Variants in DVL2 observed in about 807,000 individuals in gnomAD.
The protein encoded by DVL2 is dishevelled segment polarity protein 2, also known as segment polarity protein dishevelled homolog DVL-2.
Under a neutral mutation model 69.8 loss-of-function variants are expected in DVL2, and 38 were observed. The observed-to-expected ratio is 0.54, with a 90% CI of 0.42 to 0.71. The LOEUF (loss-of-function observed/expected upper bound fraction) is 0.71. Among genes scored for constraint, DVL2 ranks in the 30% least tolerant of loss-of-function variants. The probability of loss-of-function intolerance (pLI) is 0.00; values close to 1 mark genes in which losing one functional copy is unlikely to be tolerated. For synonymous variants in DVL2, 428 were observed against 392.4 expected (o/e 1.09, Z -1.07); for missense variants, 931 against 1,008.1 (o/e 0.92, Z 1.04).
Position 7,230,308 on chromosome 17 carries a change from C to T in DVL2, c.387G>A (p.Gly129=). 1 of 1,614,098 alleles carries T rather than the reference C, an allele frequency of 6.2e-7. No homozygotes were observed. Among genetic ancestry groups the T allele is most frequent in the Non-Finnish European group, 8.5e-7 (1 of 1,180,018 alleles). The change falls in exon 3 of 15, where the codon GGG becomes GGA. Residue 129 remains glycine, a synonymous_variant. Transcript: ENST00000005340. ...PLPPERTSGI[G]DSRPPSFHPN... is the part of the protein sequence containing the mutation. ...ACTGGAAGGATGGAGGCCTTGAGTC[C>T]CCAATGCCGCTGGTCCTCTCGGGTG...
At chr17:7,227,298 T>A in intron 12 of DVL2, 29 bp from the exon 13 acceptor site, 1 of 1,600,202 alleles carries the variant, frequency 6.2e-7, no homozygotes, top group Non-Finnish European at 8.5e-7. Context: ...GAAAAAGGCC[T>A]CAGGTTCTTC....
At chr17:7,233,813 G>C in intron 1 of DVL2, 2 of 568,926 alleles carry the variant, frequency 3.5e-6, no homozygotes, top group Non-Finnish European at 6.3e-6. Flanking sequence ...ACATAAACCA[G>C]TATGCCCCCA....
intron 9 of DVL2, 113 bp downstream of exon 9, chr17:7,228,856 A>C: frequency 9.1e-7 from 1 of 1,095,448 alleles, no homozygotes. Context: ...TGCTGGGTTT[A>C]CAGGCTCGAG....
chr17:7,230,205 G>A (rs748195688), intron 3 of DVL2, 50 bp from the exon 4 acceptor site: 4 of 1,610,614 alleles, frequency 2.5e-6, no homozygotes, highest in Non-Finnish European at 2.5e-6. Flanking sequence ...ACAGGGCTCC[G>A]GATCCTAGGC....
chr17:7,229,234 G>C lies in DVL2; in HGVS notation c.858C>G (p.Ser286Arg), dbSNP rs2071503360. Residue 286 changes from serine (S) to arginine (R), a missense_variant, in exon 8 of 15, where the codon AGC (serine) becomes AGG (arginine). This residue lies in a region of DVL2 where 555 missense variants were observed against 588.8 expected (regional missense o/e 0.94). Transcript: ENST00000005340. The surrounding 1 kb of genome is among the most constrained non-coding windows in gnomAD (Gnocchi z 4.4). Reference protein sequence around the residue: ...NFLGISIVGQSNERGDGGIYI... With the variant: ...NFLGISIVGQRNERGDGGIYI... ...AGATGCCTCCGTCTCCCCGCTCATT[G>C]CTCTGGCCAACAATGGAGATACCCA... is the stretch of plus-strand genomic sequence containing the variant. 1 of 1,613,998 alleles carries C rather than the reference G, an allele frequency of 6.2e-7. No homozygotes were observed. Among genetic ancestry groups the C allele is most frequent in the Admixed American group, 1.7e-5 (1 of 60,004 alleles).
chr17:7,233,087 C>CAAAAGAAAAAAAAAAAAA (rs2071568622), intron 1 of DVL2, among the ~76,000 whole-genome samples: 1 of 36,284 alleles, frequency 2.8e-5, no homozygotes, highest in Non-Finnish European at 6.1e-5. Context: ...GAGACTGTCT[C>CAAAAGAAAAAAAAAAAAA]AAAAAAAAAA....
At chr17:7,233,833 G>A (rs1405378888) in intron 1 of DVL2, 5 of 592,098 alleles carry the variant, frequency 8.4e-6, no homozygotes, top group Non-Finnish European at 1.5e-5. Context: ...ACCTATTCCA[G>A]TAAAGCCTAA....
Position 7,227,091 on chromosome 17 carries a change from G to A in DVL2, c.1542C>T (p.Ser514=), listed in dbSNP as rs1475748508. The A allele has an allele frequency of 6.2e-7, 1 of 1,606,300 alleles. No homozygotes were observed. Among genetic ancestry groups the A allele is most frequent in the Non-Finnish European group, 8.5e-7 (1 of 1,176,042 alleles). Residue 514 remains serine (S), a splice_region_variant and synonymous_variant, in exon 13 of 15, where the codon AGC becomes AGT. Coordinates refer to ENST00000005340, the MANE Select transcript of DVL2 (RefSeq NM_004422.3). ...VFGDLSGGCE[S]YLVNLSLNDN... is the part of the protein sequence containing the mutation. ...CAGAGTTGGGGCAGGGGGACTTACA[G>A]CTCTCACAGCCACCACTGAGGTCTC...
At chr17:7,232,802 A>G (rs1206784538) in intron 1 of DVL2, among the ~76,000 whole-genome samples, 1 of 152,182 alleles carries the variant, frequency 6.6e-6, no homozygotes, top group Non-Finnish European at 1.5e-5. Flanking sequence ...AAAAAAGCAG[A>G]GGTTGGGCCG....
chr17:7,234,252 C>G lies in DVL2; in HGVS notation c.11G>C (p.Ser4Thr), dbSNP rs1432813408. 3.1e-6 allele frequency: 5 copies of G among 1,612,034 alleles called. No homozygotes were observed. In the South Asian group the frequency reaches 5.5e-5, roughly 18 times the overall value. MAGSSTGGGGVGET... is the reference protein window; with the variant it reads MAGTSTGGGGVGET... ...CCCAACCCCACCGCCCCCAGTGCTGCTACCCGCCATGGTCTCGCCCGCGCG... is the reference window on the plus strand; with the variant it reads ...CCCAACCCCACCGCCCCCAGTGCTGGTACCCGCCATGGTCTCGCCCGCGCG... The change falls in exon 1 of 15, where the codon AGC (serine) becomes ACC (threonine). Residue 4 changes from serine to threonine, a missense_variant. By Grantham distance (58) the Ser-to-Thr change is moderately conservative. Coordinates refer to ENST00000005340, the MANE Select transcript of DVL2 (RefSeq NM_004422.3).
rs199531592 is a variant in DVL2, at chr17:7,234,248, G to A, written c.15C>T (p.Ser5=). The A allele has an allele frequency of 4.2e-4, 670 of 1,612,106 alleles. 5 individuals carry two copies. The East Asian group carries it at 0.011, about 26-fold the overall frequency. The stretch of plus-strand genomic sequence containing the variant: ...TCTCCCCAACCCCACCGCCCCCAGT[G>A]CTGCTACCCGCCATGGTCTCGCCCG... The part of the protein sequence containing the change: MAGS[S]TGGGGVGETK... The change falls in exon 1 of 15, where the codon AGC becomes AGT. Residue 5 remains serine, a synonymous_variant. Transcript: ENST00000005340.
intron 1 of DVL2, among the ~76,000 whole-genome samples, chr17:7,233,086 T>C (rs1481357883): frequency 3.7e-5 from 1 of 27,360 alleles, no homozygotes; most frequent in Non-Finnish European, 6.2e-5. Flanking sequence ...CGAGACTGTC[T>C]CAAAAAAAAA....
chr17:7,231,945 G>A (rs1162807127), intron 1 of DVL2, among the ~76,000 whole-genome samples: 1 of 151,766 alleles, frequency 6.6e-6, no homozygotes, highest in Non-Finnish European at 1.5e-5. Flanking sequence ...CCAAGGAGAG[G>A]GCAAGCTGGG....
At chr17:7,226,836 G>C (rs1054231158) in intron 13 of DVL2, 197 bp from the exon 14 acceptor site, 1 of 625,936 alleles carries the variant, frequency 1.6e-6, no homozygotes, top group Non-Finnish European at 2.7e-6. Context: ...ACTAGCCCAC[G>C]TCTTTGCGGG....
chr17:7,228,935 G>A (rs776253767), intron 9 of DVL2, 34 bp downstream of exon 9: 2 of 1,600,224 alleles, frequency 1.2e-6, no homozygotes, highest in African/African-American at 2.7e-5. Context: ...AAAAAAAAGA[G>A]GACTGAGGAC....
chr17:7,232,195 A>G (rs537394979), intron 1 of DVL2, among the ~76,000 whole-genome samples: 40 of 152,316 alleles, frequency 2.6e-4, no homozygotes, highest in African/African-American at 9.6e-4. Flanking sequence ...TGTCGACTAA[A>G]TGAATAAACG....
At position 7,229,043 on chromosome 17, in the gene DVL2, C is replaced by T. The variant is rs139320207; in HGVS notation, c.960G>A (p.Val320=). 46 of 1,614,058 alleles carry T rather than the reference C, an allele frequency of 2.8e-5. No individual in the cohort carries two copies. The highest frequency in any genetic ancestry group is 2.5e-4 in the East Asian group (11 of 44,894). Residue 320 remains valine, a splice_region_variant and synonymous_variant, in exon 9 of 15, where the codon GTG becomes GTA. Transcript: ENST00000005340. The surrounding 1 kb of genome is among the most constrained non-coding windows in gnomAD (Gnocchi z 4.4). ...RIEPGDMLLQ[V]NDMNFENMSN... ...TCATGTTCTCAAAGTTCATGTCATT[C>T]ACCTGGAAGCGACGGCAAGTGGGTC...
rs1015228180 is a variant in DVL2 at position 7,230,638 on chromosome 17, G to A, written c.264+90C>T. 9.8e-5 allele frequency: 137 copies of A among 1,399,126 alleles called. 1 individual carries two copies. Among genetic ancestry groups the A allele is most frequent in the Middle Eastern group, 2.0e-4 (1 of 4,994 alleles). The allele number at this position is 1,399,126 out of a possible 1,614,324, so 86.7% of individuals were successfully genotyped here. Reference sequence around the variant, plus strand: ...GGTAAAGAGCCAGGGCTGCTAACGCGCGGCCTGGGGAGGATACAGAAACAG... The same window carrying A: ...GGTAAAGAGCCAGGGCTGCTAACGCACGGCCTGGGGAGGATACAGAAACAG... On this transcript the variant is annotated intron_variant, in intron 2 of 14. Coordinates refer to ENST00000005340, the MANE Select transcript of DVL2 (RefSeq NM_004422.3).
At position 7,227,218 on chromosome 17, in the gene DVL2, C is replaced by T. The variant is rs1201801044; in HGVS notation, c.1415G>A (p.Arg472Gln). 1.2e-6 allele frequency: 2 copies of T among 1,613,874 alleles called. No individual in the cohort carries two copies. Among genetic ancestry groups the T allele is most frequent in the South Asian group, 1.1e-5 (1 of 91,048 alleles). ...GCTGGCATACTTGCGGGCCTCCCGC[C>T]GCTCAGGAAAGCCCTCCACGTGATG... is the stretch of plus-strand genomic sequence containing the variant. ...LYHHVEGFPE[R>Q]REARKYASGL... is the part of the protein sequence containing the mutation. The change falls in exon 13 of 15, where the codon CGG becomes CAG. Residue 472 changes from arginine (R) to glutamine (Q), a missense_variant. This residue lies in a region of DVL2 where 62 missense variants were observed against 105.7 expected (regional missense o/e 0.59). Transcript: ENST00000005340.
Sources: gnomAD v4.1 joint callset for allele counts (sites outside exome capture counted in the v4.1 genomes callset) on GRCh38, gnomAD v4.1.1 for gene constraint, gnomAD v4.1.1 regional missense constraint, Gnocchi (gnomAD v3.1) non-coding constraint, MANE v1.5 for transcripts, NCBI Gene and HGNC (gene_info 2026-07-23, HGNC 2026-07-21) for gene names.